Variants in SHC3 observed in about 807,000 individuals in gnomAD.
The protein encoded by SHC3 is SHC-transforming protein 3.
In SHC3, 15 loss-of-function variants were observed where a neutral mutation model predicts 60.4. The ratio of observed to expected loss-of-function variants is 0.25; its 90% CI spans 0.17 to 0.38. The LOEUF is 0.38. Among genes scored for constraint, SHC3 ranks in the 10% least tolerant of loss-of-function variants. The probability of loss-of-function intolerance (pLI) is 1.00; values close to 1 mark genes in which losing one functional copy is unlikely to be tolerated. For synonymous variants in SHC3, 294 were observed against 325.9 expected (o/e 0.90, Z 1.05); for missense variants, 677 against 786.1 (o/e 0.86, Z 1.66).
At chr9:89,174,299 G>A (rs1826911719) in intron 1 of SHC3, among the ~76,000 whole-genome samples, 1 of 152,156 alleles carries the variant, frequency 6.6e-6, no homozygotes, top group Admixed American at 6.5e-5. Context: ...TTTTTAAAGA[G>A]TCCTTGTAAA....
intron 8 of SHC3, 85 bp from the exon 9 acceptor site, chr9:89,045,918 G>A (rs2117906598): frequency 7.3e-7 from 1 of 1,370,006 alleles, no homozygotes; most frequent in Non-Finnish European, 1.0e-6. Flanking sequence ...CAGTCGGCGA[G>A]TTGATCCTTA....
At chr9:89,082,132 C>T (rs891488565) in intron 2 of SHC3, among the ~76,000 whole-genome samples, 1 of 152,164 alleles carries the variant, frequency 6.6e-6, no homozygotes, top group Admixed American at 6.5e-5. Context: ...TAAGCCATGG[C>T]GAGCACCTCC....
intron 1 of SHC3, among the ~76,000 whole-genome samples, chr9:89,130,929 G>C (rs1270937262): frequency 1.3e-5 from 2 of 152,114 alleles, no homozygotes; most frequent in Admixed American, 1.3e-4. Context: ...GAAGGAGATA[G>C]AGACATAAAA....
At chr9:89,132,708 T>C (rs1413180380) in intron 1 of SHC3, among the ~76,000 whole-genome samples, 2 of 152,226 alleles carry the variant, frequency 1.3e-5, no homozygotes, top group South Asian at 2.1e-4. Flanking sequence ...GCTAGCCACA[T>C]GTAGAAAGCT....
intron 1 of SHC3, among the ~76,000 whole-genome samples, chr9:89,128,895 G>A (rs1302581892): frequency 3.9e-5 from 6 of 152,158 alleles, no homozygotes; most frequent in Admixed American, 2.6e-4. Context: ...AAAGCTGGAC[G>A]GAGAATGACT....
In SHC3 at chr9:89,124,246, T is replaced by C. The variant is rs564218385; in HGVS notation, c.475-11620A>G. 9.2e-4 allele frequency among the ~76,000 whole-genome samples: 140 copies of C among 152,274 alleles called. 2 individuals are homozygous for C. The highest frequency in any genetic ancestry group is 6.2e-4 in the South Asian group (3 of 4,824). The stretch of plus-strand genomic sequence containing the variant: ...AACACTTTCACACTGTTGGTAGGAG[T>C]GTAAATTAGTTCAGCCATTGTGGAA... On this transcript the variant is annotated intron_variant, in intron 1 of 11. Transcript: ENST00000375835.
At chr9:89,047,025 C>T (rs1335152099) in intron 7 of SHC3, 31 bp from the exon 8 acceptor site, 3 of 1,504,352 alleles carry the variant, frequency 2.0e-6, no homozygotes, top group Non-Finnish European at 2.7e-6. Flanking sequence ...AGGGCTTTAG[C>T]CAAAAGTTGA....
At chr9:89,079,396 CT>C (rs1825411675) in intron 2 of SHC3, among the ~76,000 whole-genome samples, 1 of 152,190 alleles carries the variant, frequency 6.6e-6, no homozygotes, top group Non-Finnish European at 1.5e-5. Flanking sequence ...AAGTGACATA[CT>C]TAGTTGAGCA....
chr9:89,043,249 T>G (rs901529878), intron 9 of SHC3, among the ~76,000 whole-genome samples: 1 of 152,170 alleles, frequency 6.6e-6, no homozygotes, highest in Admixed American at 6.5e-5. Flanking sequence ...GAGAATGAAG[T>G]GTCGTGCTAA....
chr9:89,017,529 T>A (rs1443004427), intron 11 of SHC3, among the ~76,000 whole-genome samples: 5 of 152,140 alleles, frequency 3.3e-5, no homozygotes, highest in African/African-American at 1.2e-4. Flanking sequence ...ATGTAAGACC[T>A]AAAACCATAA....
At chr9:89,041,879 A>G (rs1048560848) in intron 10 of SHC3, 147 bp downstream of exon 10, 46 of 1,023,972 alleles carry the variant, frequency 4.5e-5, no homozygotes, top group African/African-American at 4.4e-4. Context: ...AACAAACCCA[A>G]TCATCACCCA....
Position 89,012,107 on chromosome 9 carries a change from A to G in SHC3, c.*1340T>C, listed in dbSNP as rs796433686. ...GTACCCTGTGGGGTCTCACCAGAAC[A>G]AGAGCCACGCTGCCAGCAAGCAAAT... On this transcript the variant is annotated 3_prime_UTR_variant, in exon 12 of 12. Coordinates refer to ENST00000375835, the MANE Select transcript of SHC3 (RefSeq NM_016848.6). 4 of 152,334 alleles carry G rather than the reference A, an allele frequency of 2.6e-5. No individual in the cohort carries two copies. Among genetic ancestry groups the G allele is most frequent in the African/African-American group, 9.6e-5 (4 of 41,562 alleles). 9.4% of individuals were successfully genotyped at this position (152,334 alleles called of 1,614,324 possible).
At chr9:89,041,250 T>G (rs193160502) in intron 10 of SHC3, among the ~76,000 whole-genome samples, 78 of 152,334 alleles carry the variant, frequency 5.1e-4, no homozygotes, top group African/African-American at 1.7e-3. Context: ...ACGATTTAAT[T>G]TCCTCAGTCT....
chr9:89,112,706 T>G (rs1434993539), intron 1 of SHC3, 80 bp from the exon 2 acceptor site: 23 of 1,238,592 alleles, frequency 1.9e-5, no homozygotes, highest in Non-Finnish European at 1.7e-5. Context: ...AGGGCATTTT[T>G]GGGAGCCATA....
At chr9:89,077,707 C>T (rs1403915385) in intron 3 of SHC3, 133 bp downstream of exon 3, 1 of 1,051,084 alleles carries the variant, frequency 9.5e-7, no homozygotes, top group Non-Finnish European at 1.4e-6. Flanking sequence ...TAAGCCCTTT[C>T]TGCTTTTAGA....
At chr9:89,031,815 G>C (rs1005770377) in intron 11 of SHC3, among the ~76,000 whole-genome samples, 2 of 152,148 alleles carry the variant, frequency 1.3e-5, no homozygotes, top group Non-Finnish European at 2.9e-5. Context: ...GTCTTACATT[G>C]ATAAAAATGT....
In SHC3 at chr9:89,048,983, C is replaced by T. The variant is rs1029905352; in HGVS notation, c.963-1989G>A. On this transcript the variant is annotated intron_variant, in intron 7 of 11. Transcript: ENST00000375835. ...TCTGCTTTAGAAATGATATGCCGGCCGGGCACGGTGATTTACGCCTGTAAT... is the reference window on the plus strand; with the variant it reads ...TCTGCTTTAGAAATGATATGCCGGCTGGGCACGGTGATTTACGCCTGTAAT... 2.0e-5 allele frequency among the ~76,000 whole-genome samples: 3 copies of T among 152,256 alleles called. No individual in the cohort carries two copies. The East Asian group carries it at 5.8e-4, about 29-fold the overall frequency.
intron 2 of SHC3, among the ~76,000 whole-genome samples, chr9:89,094,961 A>G (rs774923732): frequency 6.6e-6 from 1 of 152,188 alleles, no homozygotes; most frequent in Non-Finnish European, 1.5e-5. Context: ...CAAACAAACA[A>G]ACAAAAAACA....
chr9:89,047,267 G>A (rs181203146), intron 7 of SHC3, among the ~76,000 whole-genome samples: 109 of 152,270 alleles, frequency 7.2e-4, no homozygotes, highest in Non-Finnish European at 1.3e-3. Flanking sequence ...TTATGCCTAA[G>A]GATAGCCAGC....
Sources: gnomAD v4.1 joint callset for allele counts (sites outside exome capture counted in the v4.1 genomes callset) on GRCh38, gnomAD v4.1.1 for gene constraint, MANE v1.5 for transcripts, NCBI Gene and HGNC (gene_info 2026-07-23, HGNC 2026-07-21) for gene names.